The following GAN variants were observed in gnomAD, a reference collection of about 807,000 sequenced individuals.
The protein encoded by GAN is epididymis secretory sperm binding protein.
In GAN, 48 loss-of-function variants were observed where a neutral mutation model predicts 71.3. The observed-to-expected ratio is 0.67, with a 90% CI of 0.53 to 0.86. The LOEUF (loss-of-function observed/expected upper bound fraction) is 0.86. GAN is among the 40% of genes least tolerant of loss of function. The pLI, the probability that GAN is intolerant of heterozygous loss-of-function variation, is 0.00. For missense variants in GAN, 928 were observed against 770.1 expected (o/e 1.21, Z -2.43); for synonymous variants, 386 against 276.8 (o/e 1.39, Z -3.92).
intron 9 of GAN, among the ~76,000 whole-genome samples, chr16:81,366,943 G>T (rs1373140755): frequency 6.6e-6 from 1 of 152,000 alleles, no homozygotes; most frequent in Non-Finnish European, 1.5e-5. Context: ...TTCCACCTCG[G>T]CCTCCCAAGT....
At chr16:81,340,496 G>T (rs575817434) in intron 1 of GAN, among the ~76,000 whole-genome samples, 118 of 152,258 alleles carry the variant, frequency 7.7e-4, no homozygotes, top group Admixed American at 1.4e-3. Context: ...GGCAAACAGG[G>T]TCTGGAATGG....
chr16:81,345,092 C>T (rs546384108), intron 1 of GAN, among the ~76,000 whole-genome samples: 30 of 152,210 alleles, frequency 2.0e-4, no homozygotes, highest in African/African-American at 5.8e-4. Flanking sequence ...ATTAAAAAGT[C>T]AGGAAAAAAC....
At chr16:81,330,763 A>G (rs935594224) in intron 1 of GAN, among the ~76,000 whole-genome samples, 2 of 152,242 alleles carry the variant, frequency 1.3e-5, no homozygotes, top group Admixed American at 6.5e-5. Context: ...GAAAAATTAT[A>G]ACTTAACCAT....
intron 1 of GAN, among the ~76,000 whole-genome samples, chr16:81,319,721 T>G (rs941212247): frequency 6.6e-6 from 1 of 152,004 alleles, no homozygotes; most frequent in Non-Finnish European, 1.5e-5. Flanking sequence ...CCCCCCTTAT[T>G]TTTTGAGAGA....
At chr16:81,356,041 T>G (rs1263395291) in intron 3 of GAN, among the ~76,000 whole-genome samples, 2 of 152,190 alleles carry the variant, frequency 1.3e-5, no homozygotes, top group African/African-American at 4.8e-5. Context: ...CCTTGCCAGC[T>G]TCCGTCCTGC....
intron 1 of GAN, among the ~76,000 whole-genome samples, chr16:81,327,144 A>G (rs1412136511): frequency 2.0e-5 from 3 of 152,214 alleles, no homozygotes; most frequent in Non-Finnish European, 4.4e-5. Flanking sequence ...AGAAGAAGAG[A>G]CCGAATTCTT....
intron 9 of GAN, among the ~76,000 whole-genome samples, chr16:81,370,918 A>G (rs1207601136): frequency 6.6e-6 from 1 of 152,186 alleles, no homozygotes. Context: ...TGCTTTTCTA[A>G]GGCACACCAT....
chr16:81,364,515 C>G (rs531166337), intron 7 of GAN, among the ~76,000 whole-genome samples: 2 of 151,944 alleles, frequency 1.3e-5, no homozygotes, highest in South Asian at 2.1e-4. Flanking sequence ...GATCCCCCAT[C>G]TCTACAAAAA....
In GAN at chr16:81,380,598, T is replaced by G. The variant is rs928022005; in HGVS notation, c.*3002T>G. The G allele has an allele frequency of 6.6e-6, 1 of 152,236 alleles. No homozygotes were observed. The highest frequency in any genetic ancestry group is 2.4e-5 in the African/African-American group (1 of 41,466). The allele number at this position is 152,236 out of a possible 1,614,324, so 9.4% of individuals were successfully genotyped here. On this transcript the variant is annotated 3_prime_UTR_variant, in exon 11 of 11. Transcript: ENST00000648994. ...GTGTGTGTGATGCTATTTGACCTGA[T>G]AAATGTATTTGTGTTTACTTTTTGA... is the stretch of plus-strand genomic sequence containing the variant.
At chr16:81,355,592 T>C (rs1356651691) in intron 3 of GAN, among the ~76,000 whole-genome samples, 1 of 152,158 alleles carries the variant, frequency 6.6e-6, no homozygotes, top group East Asian at 1.9e-4. Flanking sequence ...CAAACTCCTG[T>C]GCTCAAGCAA....
Position 81,362,494 on chromosome 16 carries a change from T to C in GAN, c.974-5T>C. The C allele has an allele frequency of 1.3e-6, 2 of 1,504,104 alleles. No homozygotes were observed. The highest frequency in any genetic ancestry group is 2.3e-5 in the South Asian group (2 of 88,784). 93.2% of individuals were successfully genotyped at this position (1,504,104 alleles called of 1,614,324 possible). A position where few individuals can be genotyped will look rare whatever the true frequency, so the allele number is the denominator to read the frequency against. ...TCATATTTGTGTTTCCTTTGATCTT[T>C]GCAGAAGGATTTTTGTTTGTATTCG... On this transcript the variant is annotated splice_region_variant and splice_polypyrimidine_tract_variant and intron_variant, in intron 5 of 10. Transcript: ENST00000648994.
In GAN at chr16:81,315,853, C is replaced by T. The variant is rs949074768; in HGVS notation, c.167+573C>T. Among the ~76,000 whole-genome samples, 120 of 152,378 alleles carry T rather than the reference C, an allele frequency of 7.9e-4. 1 individual carries two copies. The highest frequency in any genetic ancestry group is 2.6e-3 in the African/African-American group (108 of 41,602). On this transcript the variant is annotated intron_variant, in intron 1 of 10. Coordinates refer to ENST00000648994, the MANE Select transcript of GAN (RefSeq NM_022041.4). ...TGGGTGCAGGCAGAGAAAACCCTCT[C>T]GATGTTCTCCTTGGGTTGGTAGTCC...
At chr16:81,337,605 C>T (rs1311902484) in intron 1 of GAN, among the ~76,000 whole-genome samples, 2 of 152,238 alleles carry the variant, frequency 1.3e-5, no homozygotes, top group East Asian at 3.9e-4. Context: ...CTATACGTAC[C>T]CAGTGGATGA....
At chr16:81,336,566 C>T (rs1330700627) in intron 1 of GAN, among the ~76,000 whole-genome samples, 4 of 151,994 alleles carry the variant, frequency 2.6e-5, no homozygotes, top group Non-Finnish European at 4.4e-5. Flanking sequence ...TGGGCTCAAG[C>T]GATCCTCCCA....
At chr16:81,329,787 C>T (rs1390044576) in intron 1 of GAN, among the ~76,000 whole-genome samples, 1 of 152,160 alleles carries the variant, frequency 6.6e-6, no homozygotes, top group Non-Finnish European at 1.5e-5. Flanking sequence ...ACATAAGATT[C>T]CATTCTCACC....
intron 1 of GAN, 49 bp from the exon 2 acceptor site, chr16:81,351,534 G>C: frequency 1.2e-6 from 1 of 801,212 alleles, no homozygotes; most frequent in Non-Finnish European, 2.3e-6. Flanking sequence ...AATATTTATA[G>C]CTATTTCTGT....
intron 9 of GAN, among the ~76,000 whole-genome samples, chr16:81,373,006 C>T (rs1025543550): frequency 3.3e-5 from 5 of 152,166 alleles, no homozygotes; most frequent in Admixed American, 6.5e-5. Flanking sequence ...TGTAGATGAA[C>T]GGCTTTAGAA....
chr16:81,363,782 A>G lies in GAN; in HGVS notation c.1087-12A>G. 2 of 1,612,462 alleles carry G rather than the reference A, an allele frequency of 1.2e-6. No homozygotes were observed. The highest frequency in any genetic ancestry group is 1.7e-6 in the Non-Finnish European group (2 of 1,178,494). ...GGCCTTGTGTGTTCAGGGATCGCTAATGTAATTTCAGGCAAGACATAACTT... is the reference window on the plus strand; with the variant it reads ...GGCCTTGTGTGTTCAGGGATCGCTAGTGTAATTTCAGGCAAGACATAACTT... On this transcript the variant is annotated splice_polypyrimidine_tract_variant and intron_variant, in intron 6 of 10. Coordinates refer to ENST00000648994, the MANE Select transcript of GAN (RefSeq NM_022041.4).
chr16:81,336,309 T>C (rs1909759963), intron 1 of GAN, among the ~76,000 whole-genome samples: 1 of 152,216 alleles, frequency 6.6e-6, no homozygotes, highest in Non-Finnish European at 1.5e-5. Context: ...TGGCAGGAAC[T>C]GTGAGATAGA....
Sources: gnomAD v4.1 joint callset for allele counts (sites outside exome capture counted in the v4.1 genomes callset) on GRCh38, gnomAD v4.1.1 for gene constraint, MANE v1.5 for transcripts, NCBI Gene and HGNC (gene_info 2026-07-23, HGNC 2026-07-21) for gene names.